Variants in TRIOBP observed in about 807,000 individuals in gnomAD.
The protein encoded by TRIOBP is TRIO and F-actin-binding protein.
TRIOBP carries 169 observed loss-of-function variants against 238.8 expected under a neutral mutation model. The observed-to-expected ratio is 0.71, with a 90% confidence interval of 0.62 to 0.80. The LOEUF (loss-of-function observed/expected upper bound fraction) is 0.80. TRIOBP is among the 30% of genes least tolerant of loss of function. TRIOBP has a pLI of 0.00. For synonymous variants in TRIOBP, 1,150 were observed against 1,274.4 expected (o/e 0.90, Z 2.08); for missense variants, 2,838 against 3,122.6 (o/e 0.91, Z 2.17).
intron 15 of TRIOBP, among the ~76,000 whole-genome samples, chr22:37,756,772 G>A (rs1925945849): frequency 6.7e-6 from 1 of 148,494 alleles, no homozygotes; most frequent in Non-Finnish European, 1.5e-5. Context: ...TTGGCAGGGT[G>A]ACCACGTACC....
chr22:37,754,900 C>A lies in TRIOBP; in HGVS notation c.5403C>A (p.Thr1801=), dbSNP rs893616062. The A allele has an allele frequency of 6.2e-7, 1 of 1,614,162 alleles. No individual in the cohort carries two copies. Among genetic ancestry groups the A allele is most frequent in the African/African-American group, 1.3e-5 (1 of 75,046 alleles). Residue 1801 remains threonine (T), a synonymous_variant, in exon 13 of 24, where the codon ACC becomes ACA. Transcript: ENST00000644935. ...PGEPPSPSLT[T]TSTSQWKKHW... is the part of the protein sequence containing the mutation. ...AGCCTCCCTCCCCCTCGCTCACCAC[C>A]ACCTCTACTTCGCAGTGGAAGAAAC... is the stretch of plus-strand genomic sequence containing the variant.
intron 7 of TRIOBP, among the ~76,000 whole-genome samples, chr22:37,732,883 G>T (rs1039515447): frequency 2.0e-5 from 3 of 152,222 alleles, no homozygotes; most frequent in Non-Finnish European, 2.9e-5. Flanking sequence ...CCAGTGCCTG[G>T]TACACAGTAG....
intron 11 of TRIOBP, among the ~76,000 whole-genome samples, chr22:37,748,910 A>G (rs1351929532): frequency 6.6e-6 from 1 of 152,194 alleles, no homozygotes; most frequent in African/African-American, 2.4e-5. Context: ...AGGACATGGC[A>G]CATATGAAGG....
chr22:37,733,709 C>A (rs1924533361), intron 8 of TRIOBP, among the ~76,000 whole-genome samples: 1 of 140,468 alleles, frequency 7.1e-6, no homozygotes, highest in African/African-American at 2.8e-5. Flanking sequence ...CTTGCACTGT[C>A]TCCCAGGCTG....
At chr22:37,755,063 A>G in intron 13 of TRIOBP, 38 bp from the exon 14 acceptor site, 1 of 1,611,452 alleles carries the variant, frequency 6.2e-7, no homozygotes, top group Non-Finnish European at 8.5e-7. Context: ...GGGTCACACC[A>G]GGGCCCACAC....
chr22:37,757,104 G>A (rs899191250), intron 15 of TRIOBP, among the ~76,000 whole-genome samples: 1 of 152,158 alleles, frequency 6.6e-6, no homozygotes, highest in Admixed American at 6.5e-5. Context: ...GTTCACGCCT[G>A]TAATCCCAGA....
intron 2 of TRIOBP, among the ~76,000 whole-genome samples, chr22:37,700,777 C>T (rs777292182): frequency 2.6e-5 from 4 of 152,096 alleles, no homozygotes; most frequent in African/African-American, 9.7e-5. Context: ...CTGCAACCTC[C>T]GCCTCCTGGG....
At chr22:37,705,995 G>C (rs1204971118) in intron 3 of TRIOBP, among the ~76,000 whole-genome samples, 3 of 152,122 alleles carry the variant, frequency 2.0e-5, no homozygotes, top group African/African-American at 4.8e-5. Flanking sequence ...CAGGTGACCC[G>C]CCAGGAAAAG....
At chr22:37,749,333 C>T (rs1925453136) in intron 11 of TRIOBP, among the ~76,000 whole-genome samples, 1 of 152,116 alleles carries the variant, frequency 6.6e-6, no homozygotes, top group Non-Finnish European at 1.5e-5. Flanking sequence ...CCAGCCTGGG[C>T]AGCAGAGACT....
At chr22:37,741,692 A>C (rs539746446) in intron 11 of TRIOBP, among the ~76,000 whole-genome samples, 2 of 152,264 alleles carry the variant, frequency 1.3e-5, no homozygotes, top group South Asian at 4.1e-4. Flanking sequence ...CAGTGTGCCC[A>C]TTTTACAGAT....
At chr22:37,761,846 G>C (rs1428365402) in intron 17 of TRIOBP, among the ~76,000 whole-genome samples, 1 of 151,992 alleles carries the variant, frequency 6.6e-6, no homozygotes, top group Non-Finnish European at 1.5e-5. Context: ...CAGGGGAGGA[G>C]CCAGTGTTGT....
Position 37,724,663 on chromosome 22 carries a change from C to A in TRIOBP, c.2107C>A (p.Arg703=). ...GAACCCCAGAACATCCTGTGCCCAA[C>A]GGGACGATCCCAGAGCCTCCTCTCC... The part of the protein sequence containing the change: ...QENPRTSCAQ[R]DDPRASSPNR... Residue 703 remains arginine (R), a synonymous_variant, in exon 7 of 24, where the codon CGG becomes AGG. Transcript: ENST00000644935. The A allele has an allele frequency of 6.2e-7, 1 of 1,610,648 alleles. No homozygotes were observed. Among genetic ancestry groups the A allele is most frequent in the Non-Finnish European group, 8.5e-7 (1 of 1,178,596 alleles).
chr22:37,720,319 C>T (rs966667897), intron 6 of TRIOBP, among the ~76,000 whole-genome samples: 2 of 152,006 alleles, frequency 1.3e-5, no homozygotes, highest in Non-Finnish European at 2.9e-5. Flanking sequence ...GCCCGGCCCA[C>T]TGCTACAATA....
chr22:37,756,102 A>C (rs1270132798), intron 15 of TRIOBP, among the ~76,000 whole-genome samples: 3 of 152,204 alleles, frequency 2.0e-5, no homozygotes, highest in Non-Finnish European at 1.5e-5. Context: ...CCCACAGTTT[A>C]TACCCAGATG....
chr22:37,715,160 G>A (rs969821103), intron 5 of TRIOBP, among the ~76,000 whole-genome samples: 4 of 151,978 alleles, frequency 2.6e-5, no homozygotes, highest in East Asian at 1.9e-4. Context: ...GATTACAGGC[G>A]CCCACCACTA....
At chr22:37,703,100 A>T (rs1922745133) in intron 3 of TRIOBP, among the ~76,000 whole-genome samples, 1 of 151,832 alleles carries the variant, frequency 6.6e-6, no homozygotes, top group Non-Finnish European at 1.5e-5. Flanking sequence ...GGTTCAAGCA[A>T]TTCTCCTGCC....
At chr22:37,703,797 G>A (rs1015264239) in intron 3 of TRIOBP, among the ~76,000 whole-genome samples, 1 of 151,920 alleles carries the variant, frequency 6.6e-6, no homozygotes, top group African/African-American at 2.4e-5. Flanking sequence ...GAGCCACCGC[G>A]CCCAGCTTCT....
At chr22:37,706,300 C>T (rs1039497110) in intron 3 of TRIOBP, among the ~76,000 whole-genome samples, 5 of 152,026 alleles carry the variant, frequency 3.3e-5, no homozygotes, top group African/African-American at 1.2e-4. Flanking sequence ...TGGAGGCCTG[C>T]GAGTCTTCAG....
chr22:37,708,648 C>T (rs1923077485), intron 3 of TRIOBP, among the ~76,000 whole-genome samples: 1 of 152,216 alleles, frequency 6.6e-6, no homozygotes, highest in Admixed American at 6.5e-5. Context: ...GATGAGGTAA[C>T]TGAGGCACAG....
Sources: gnomAD v4.1 joint callset for allele counts (sites outside exome capture counted in the v4.1 genomes callset) on GRCh38, gnomAD v4.1.1 for gene constraint, MANE v1.5 for transcripts, NCBI Gene and HGNC (gene_info 2026-07-23, HGNC 2026-07-21) for gene names.